Variants in ZFHX3 observed in about 807,000 individuals in gnomAD.
The protein encoded by ZFHX3 is zinc finger homeobox protein 3.
In ZFHX3, 42 loss-of-function variants were observed where a neutral mutation model predicts 279.1. The ratio of observed to expected loss-of-function variants is 0.15; its 90% CI spans 0.12 to 0.19. The LOEUF (loss-of-function observed/expected upper bound fraction) is 0.19. Ranked by LOEUF, ZFHX3 falls within the 10% of genes least tolerant of loss-of-function variation. The pLI is 1.00. For synonymous variants in ZFHX3, 2,293 were observed against 1,957.8 expected, an observed-to-expected ratio of 1.17 and a Z score of -4.52; for missense variants, 4,981 against 4,754.0, an observed-to-expected ratio of 1.05 and a Z score of -1.40.
intron 5 of ZFHX3, among the ~76,000 whole-genome samples, chr16:72,817,107 GACTT>G (rs1240452894): frequency 4.6e-5 from 7 of 152,230 alleles, no homozygotes; most frequent in Non-Finnish European, 1.0e-4. Context: ...TGTAGGAAGT[GACTT>G]ACTTTAAGGA....
chr16:73,794,232 T>G (rs1597118595), intron 1 of ZFHX3: 1 of 151,612 alleles, frequency 6.6e-6, no homozygotes, highest in Non-Finnish European at 1.5e-5. Flanking sequence ...TACAGGAGGG[T>G]GGACATCGAG....
At chr16:73,666,691 G>C (rs555059987) in intron 2 of ZFHX3, among the ~76,000 whole-genome samples, 2 of 151,906 alleles carry the variant, frequency 1.3e-5, no homozygotes, top group Admixed American at 1.3e-4. Flanking sequence ...CAAATGCACA[G>C]TCATGCCACC....
chr16:73,778,236 T>TAAAAA (rs10654824), intron 1 of ZFHX3, among the ~76,000 whole-genome samples: 8,770 of 58,570 alleles, frequency 0.15, 1,647 homozygotes, highest in African/African-American at 0.2. Context: ...GAAGGAGTGT[T>TAAAAA]AAAAAAAAAA....
chr16:73,329,836 C>T (rs942077686), intron 3 of ZFHX3, among the ~76,000 whole-genome samples: 4 of 152,162 alleles, frequency 2.6e-5, no homozygotes, highest in East Asian at 1.9e-4. Context: ...ATGGGAAAGG[C>T]GAGTGTGAAT....
intron 1 of ZFHX3, among the ~76,000 whole-genome samples, chr16:73,873,970 G>C (rs906228090): frequency 2.0e-5 from 3 of 151,500 alleles, no homozygotes; most frequent in African/African-American, 7.3e-5. Flanking sequence ...GGAAAAAAAA[G>C]TAAGAAGAAA....
chr16:73,758,279 G>A (rs534108198), intron 1 of ZFHX3, among the ~76,000 whole-genome samples: 15 of 152,156 alleles, frequency 9.9e-5, no homozygotes, highest in African/African-American at 3.1e-4. Context: ...ATTAAATACC[G>A]ACTCTAAGTG....
chr16:72,820,386 A>G (rs926448131), intron 5 of ZFHX3, among the ~76,000 whole-genome samples: 3 of 152,158 alleles, frequency 2.0e-5, no homozygotes, highest in African/African-American at 4.8e-5. Context: ...CCACATTTCA[A>G]TTTCAAGACA....
intron 1 of ZFHX3, among the ~76,000 whole-genome samples, chr16:72,979,643 C>G (rs781145580): frequency 2.0e-5 from 3 of 152,116 alleles, no homozygotes; most frequent in Non-Finnish European, 4.4e-5. Context: ...GAAATCAATG[C>G]GCTTACAGAC....
chr16:73,543,340 A>T (rs1460603638), intron 2 of ZFHX3, among the ~76,000 whole-genome samples: 1 of 152,200 alleles, frequency 6.6e-6, no homozygotes, highest in East Asian at 1.9e-4. Context: ...CCAGTACTCA[A>T]CTTGCCAGGC....
At chr16:72,829,685 G>A in intron 5 of ZFHX3, 94 bp downstream of exon 5, 2 of 1,421,958 alleles carry the variant, frequency 1.4e-6, no homozygotes, top group Non-Finnish European at 2.0e-6. Context: ...TCCGCTCCCT[G>A]ACTTGTTAGC....
intron 3 of ZFHX3, among the ~76,000 whole-genome samples, chr16:72,896,758 C>T (rs540475216): frequency 4.9e-4 from 74 of 152,332 alleles, no homozygotes; most frequent in Middle Eastern, 3.4e-3. Context: ...TCCTCCCCAA[C>T]GATAGGAAAC....
intron 4 of ZFHX3, among the ~76,000 whole-genome samples, chr16:72,843,384 G>A (rs553116950): frequency 5.9e-5 from 9 of 152,012 alleles, no homozygotes; most frequent in South Asian, 2.1e-4. Flanking sequence ...GGTGGCGGGC[G>A]CCTGTAGTCC....
intron 4 of ZFHX3, among the ~76,000 whole-genome samples, chr16:72,872,352 C>T (rs2038183715): frequency 6.6e-6 from 1 of 152,158 alleles, no homozygotes; most frequent in Non-Finnish European, 1.5e-5. Context: ...ACATATTATT[C>T]CCCTCTTTAA....
intron 1 of ZFHX3, among the ~76,000 whole-genome samples, chr16:73,807,620 A>ATTTTTTTGTTTT (rs1960314556): frequency 1.4e-5 from 1 of 70,548 alleles, no homozygotes; most frequent in African/African-American, 5.5e-5. Context: ...CCATGCCCCA[A>ATTTTTTTGTTTT]TTTTTTTTTT....
At chr16:73,695,818 C>A (rs909575944) in intron 1 of ZFHX3, among the ~76,000 whole-genome samples, 1 of 152,230 alleles carries the variant, frequency 6.6e-6, no homozygotes, top group South Asian at 2.1e-4. Flanking sequence ...TCTAGGGTAC[C>A]CATTTGTCTC....
chr16:73,098,290 G>A (rs1207292625), intron 7 of ZFHX3, among the ~76,000 whole-genome samples: 1 of 152,006 alleles, frequency 6.6e-6, no homozygotes, highest in African/African-American at 2.4e-5. Flanking sequence ...GGCTGGTCTC[G>A]AACTCCTGAC....
At chr16:72,876,116 G>A (rs905886374) in intron 4 of ZFHX3, among the ~76,000 whole-genome samples, 1 of 152,078 alleles carries the variant, frequency 6.6e-6, no homozygotes. Context: ...CAACTTCGCC[G>A]CTTCATAAAA....
intron 1 of ZFHX3, among the ~76,000 whole-genome samples, chr16:73,744,425 C>T (rs16972447): frequency 6.6e-6 from 1 of 152,292 alleles, no homozygotes; most frequent in East Asian, 1.9e-4. Context: ...AGAAGTGGAG[C>T]TTTCAATTAT....
At chr16:73,690,882 G>C (rs1477406611) in intron 1 of ZFHX3, among the ~76,000 whole-genome samples, 1 of 152,164 alleles carries the variant, frequency 6.6e-6, no homozygotes, top group African/African-American at 2.4e-5. Context: ...GCACTGCCCA[G>C]ACAATTCCAG....
Sources: allele counts gnomAD v4.1 joint callset (sites outside exome capture counted in the v4.1 genomes callset), GRCh38; gene constraint gnomAD v4.1.1; transcripts MANE v1.5; gene names NCBI Gene and HGNC (gene_info 2026-07-23, HGNC 2026-07-21).